The following ADAMTSL1 variants were observed in gnomAD, a reference collection of about 807,000 sequenced individuals.
ADAMTSL1 encodes ADAMTS-like protein 1.
A neutral mutation model predicts 201.8 loss-of-function variants in ADAMTSL1; 126 were observed. That is an observed-to-expected ratio of 0.62 (90% CI 0.54 to 0.72). ADAMTSL1 has a LOEUF of 0.72. ADAMTSL1 is among the 30% of genes least tolerant of loss of function. The probability of loss-of-function intolerance (pLI) is 0.00; values close to 1 mark genes in which losing one functional copy is unlikely to be tolerated. For synonymous variants in ADAMTSL1, 1,121 were observed against 903.4 expected (o/e 1.24, Z -4.32); for missense variants, 2,679 against 2,277.8 (o/e 1.18, Z -3.59).
intron 2 of ADAMTSL1, among the ~76,000 whole-genome samples, chr9:18,174,946 G>A (rs1231113302): frequency 1.3e-5 from 2 of 152,152 alleles, no homozygotes; most frequent in Admixed American, 1.3e-4. Context: ...ACTTGATGTT[G>A]ACAAGGAAGA....
At chr9:18,766,556 C>T (rs1296522427) in intron 16 of ADAMTSL1, among the ~76,000 whole-genome samples, 3 of 152,110 alleles carry the variant, frequency 2.0e-5, no homozygotes, top group Admixed American at 6.5e-5. Context: ...AACAAAATAC[C>T]GTAGACTGAG....
chr9:17,997,163 T>C (rs1250942625), intron 1 of ADAMTSL1, among the ~76,000 whole-genome samples: 1 of 152,106 alleles, frequency 6.6e-6, no homozygotes, highest in Non-Finnish European at 1.5e-5. Context: ...GGAGCCTAAC[T>C]GAAACTTGCA....
chr9:18,620,803 T>TA lies in ADAMTSL1; in HGVS notation c.475-1432dup, dbSNP rs550442465. On this transcript the variant is annotated intron_variant, in intron 4 of 28. Coordinates refer to ENST00000380548, the MANE Select transcript of ADAMTSL1 (RefSeq NM_001040272.6). Reference sequence around the variant, plus strand: ...CATGTTTTCCTGACATCTTTGCATTTAAAAAAAATGTACAGTTATTGAAGG... The same window carrying TA: ...CATGTTTTCCTGACATCTTTGCATTTAAAAAAAAATGTACAGTTATTGAAGG... Among the ~76,000 whole-genome samples the TA allele has an allele frequency of 3.7e-3, 556 of 152,130 alleles. 4 individuals are homozygous for TA. Among genetic ancestry groups the TA allele is most frequent in the African/African-American group, 0.011 (460 of 41,538 alleles).
At chr9:18,655,806 TA>T (rs56662538) in intron 7 of ADAMTSL1, among the ~76,000 whole-genome samples, 43 of 81,836 alleles carry the variant, frequency 5.3e-4, no homozygotes, top group South Asian at 1.1e-3. Context: ...TTTGTGAGCT[TA>T]AAAAAAAAAA....
intron 1 of ADAMTSL1, among the ~76,000 whole-genome samples, chr9:17,935,956 C>G (rs192724933): frequency 6.6e-6 from 1 of 152,304 alleles, no homozygotes; most frequent in African/African-American, 2.4e-5. Flanking sequence ...CTAGCCATCT[C>G]TCCGATCCTC....
chr9:17,995,884 C>T (rs1736055536), intron 1 of ADAMTSL1, among the ~76,000 whole-genome samples: 1 of 151,756 alleles, frequency 6.6e-6, no homozygotes, highest in Non-Finnish European at 1.5e-5. Context: ...TGAGCACTGA[C>T]ACTTATTCTT....
At position 18,829,826 on chromosome 9, in the gene ADAMTSL1, C is replaced by T. The variant is rs987503755; in HGVS notation, c.4115-17C>T. 4 of 1,613,702 alleles carry T rather than the reference C, an allele frequency of 2.5e-6. No homozygotes were observed. Among genetic ancestry groups the T allele is most frequent in the Non-Finnish European group, 3.4e-6 (4 of 1,179,798 alleles). On this transcript the variant is annotated splice_polypyrimidine_tract_variant and intron_variant, in intron 22 of 28. Transcript: ENST00000380548. ...CTGTGCTTTAACCTGCCTGATCCACCCTCTGCCTTCTCACAGATCCCCCCC... is the reference window on the plus strand; with the variant it reads ...CTGTGCTTTAACCTGCCTGATCCACTCTCTGCCTTCTCACAGATCCCCCCC...
rs115333116 is a variant in ADAMTSL1, at chr9:18,320,397, A to T, written c.207+156416A>T. On this transcript the variant is annotated intron_variant, in intron 2 of 29. Transcript: ENST00000680146. Reference sequence around the variant, plus strand: ...CTGAGAGAAAAACAAGTCCACATATAGTTCTATATCCAACAAAAACATCCT... The same window carrying T: ...CTGAGAGAAAAACAAGTCCACATATTGTTCTATATCCAACAAAAACATCCT... Among the ~76,000 whole-genome samples, 805 of 152,342 alleles carry T rather than the reference A, an allele frequency of 5.3e-3. 8 individuals carry two copies. Among genetic ancestry groups the T allele is most frequent in the African/African-American group, 0.019 (777 of 41,594 alleles).
At chr9:18,573,713 T>C (rs1195847371) in intron 3 of ADAMTSL1, among the ~76,000 whole-genome samples, 1 of 152,214 alleles carries the variant, frequency 6.6e-6, no homozygotes, top group Non-Finnish European at 1.5e-5. Context: ...TAGTACAGTG[T>C]GGAAGAATTC....
chr9:18,355,381 T>C (rs931454015), intron 2 of ADAMTSL1, among the ~76,000 whole-genome samples: 4 of 152,194 alleles, frequency 2.6e-5, no homozygotes, highest in Admixed American at 2.6e-4. Context: ...AAAGTATGTG[T>C]ATTTTAGGAG....
intron 21 of ADAMTSL1, among the ~76,000 whole-genome samples, chr9:18,823,348 C>G (rs1453893794): frequency 6.6e-6 from 1 of 152,168 alleles, no homozygotes; most frequent in African/African-American, 2.4e-5. Flanking sequence ...CATGAAGTCC[C>G]CTGCTGTCAC....
At chr9:18,023,886 A>G (rs1053920502) in intron 1 of ADAMTSL1, among the ~76,000 whole-genome samples, 2 of 152,162 alleles carry the variant, frequency 1.3e-5, no homozygotes, top group Non-Finnish European at 2.9e-5. Context: ...ATTGCTAAAA[A>G]ATCTCAATTT....
chr9:18,702,200 C>T (rs1370178512), intron 13 of ADAMTSL1, among the ~76,000 whole-genome samples: 1 of 152,198 alleles, frequency 6.6e-6, no homozygotes, highest in Non-Finnish European at 1.5e-5. Context: ...CCTCCCACAA[C>T]ACATGGGAAT....
At chr9:18,200,532 A>G (rs1167807998) in intron 2 of ADAMTSL1, among the ~76,000 whole-genome samples, 1 of 152,086 alleles carries the variant, frequency 6.6e-6, no homozygotes, top group Non-Finnish European at 1.5e-5. Flanking sequence ...TTCTTAGTCT[A>G]TACTATCATT....
chr9:18,424,538 G>A (rs2133375244), intron 2 of ADAMTSL1, among the ~76,000 whole-genome samples: 1 of 152,272 alleles, frequency 6.6e-6, no homozygotes, highest in East Asian at 1.9e-4. Flanking sequence ...AGCCTGCACA[G>A]AATGATCTCA....
At chr9:18,235,012 T>C (rs1365573858) in intron 2 of ADAMTSL1, among the ~76,000 whole-genome samples, 1 of 152,232 alleles carries the variant, frequency 6.6e-6, no homozygotes, top group Non-Finnish European at 1.5e-5. Context: ...GTGGTACATT[T>C]GTCACAACTA....
chr9:18,111,983 C>A (rs950064710), intron 1 of ADAMTSL1, among the ~76,000 whole-genome samples: 1 of 152,138 alleles, frequency 6.6e-6, no homozygotes, highest in African/African-American at 2.4e-5. Context: ...AGTTTCCCAA[C>A]AGGAGTCCCA....
chr9:18,836,661 A>G (rs1476129067), intron 23 of ADAMTSL1, among the ~76,000 whole-genome samples: 1 of 152,162 alleles, frequency 6.6e-6, no homozygotes, highest in Non-Finnish European at 1.5e-5. Flanking sequence ...TGATAATAAT[A>G]GCATTAAATC....
intron 2 of ADAMTSL1, among the ~76,000 whole-genome samples, chr9:18,237,898 C>A (rs923080252): frequency 6.6e-6 from 1 of 152,196 alleles, no homozygotes; most frequent in African/African-American, 2.4e-5. Flanking sequence ...CATGATTATT[C>A]CTTGGTTCGT....
Sources: gnomAD v4.1 joint callset for allele counts (sites outside exome capture counted in the v4.1 genomes callset) on GRCh38, gnomAD v4.1.1 for gene constraint, MANE v1.5 for transcripts, NCBI Gene and HGNC (gene_info 2026-07-23, HGNC 2026-07-21) for gene names.